The following GPC6 variants were observed in gnomAD, a reference collection of about 807,000 sequenced individuals.
The protein encoded by GPC6 is glypican 6.
Under a neutral mutation model 55.2 loss-of-function variants are expected in GPC6, and 14 were observed. The observed-to-expected ratio is 0.25, with a 90% CI of 0.17 to 0.40. The LOEUF (loss-of-function observed/expected upper bound fraction) is 0.40, where lower values mean the gene tolerates loss of function less well. Among genes scored for constraint, GPC6 ranks in the 10% least tolerant of loss-of-function variants. The pLI is 1.00. For missense variants in GPC6, 641 were observed against 708.5 expected (o/e 0.90, Z 1.08); for synonymous variants, 278 against 259.6 (o/e 1.07, Z -0.68).
intron 4 of GPC6, among the ~76,000 whole-genome samples, chr13:94,218,942 G>A (rs532471944): frequency 7.6e-4 from 115 of 152,210 alleles, no homozygotes; most frequent in Middle Eastern, 6.8e-3. Flanking sequence ...CTGGAGAAAC[G>A]CTATAGTATT....
intron 6 of GPC6, among the ~76,000 whole-genome samples, chr13:94,315,657 A>G (rs1306020230): frequency 6.6e-6 from 1 of 152,220 alleles, no homozygotes; most frequent in East Asian, 1.9e-4. Context: ...GACCACAAAC[A>G]CTATGATGAA....
chr13:94,031,110 ATGTG>A (rs148462602), intron 4 of GPC6, among the ~76,000 whole-genome samples: 4 of 147,914 alleles, frequency 2.7e-5, no homozygotes, highest in African/African-American at 7.6e-5. Flanking sequence ...GTGTGCGTGC[ATGTG>A]TGTGTGTGTG....
At position 93,499,091 on chromosome 13, in the gene GPC6, TCACACACA is replaced by T. The variant is rs61370011; in HGVS notation, c.161-46151_161-46144del. Among the ~76,000 whole-genome samples the T allele has an allele frequency of 8.2e-5, 11 of 133,738 alleles. No homozygotes were observed. The South Asian group carries it at 1.5e-3, about 18-fold the overall frequency. 87.7% of individuals were successfully genotyped at this position (133,738 alleles called of 152,430 possible). On this transcript the variant is annotated intron_variant, in intron 1 of 8. Coordinates refer to ENST00000377047, the MANE Select transcript of GPC6 (RefSeq NM_005708.5). The stretch of plus-strand genomic sequence containing the variant: ...ATAGTATATCCACAATCCTTAATTG[TCACACACA>T]CACACACACACACACACACAGAAAC...
chr13:94,195,640 A>G (rs575872167), intron 4 of GPC6, among the ~76,000 whole-genome samples: 84 of 152,362 alleles, frequency 5.5e-4, no homozygotes, highest in African/African-American at 2.0e-3. Context: ...GGATTAAATG[A>G]GATAATGCAA....
At chr13:93,375,700 T>A (rs1228026568) in intron 1 of GPC6, among the ~76,000 whole-genome samples, 3 of 152,118 alleles carry the variant, frequency 2.0e-5, no homozygotes, top group Non-Finnish European at 4.4e-5. Flanking sequence ...GACAGTGGAG[T>A]GGGCAGGGAC....
chr13:93,313,203 C>T (rs1879132868), intron 1 of GPC6, among the ~76,000 whole-genome samples: 1 of 152,060 alleles, frequency 6.6e-6, no homozygotes, highest in African/African-American at 2.4e-5. Context: ...GGCAGAGCCT[C>T]AGAATAAAAA....
At chr13:94,095,612 C>T (rs77763065) in intron 4 of GPC6, among the ~76,000 whole-genome samples, 46 of 152,210 alleles carry the variant, frequency 3.0e-4, no homozygotes, top group African/African-American at 9.9e-4. Flanking sequence ...TCAGTAGTCA[C>T]GTGTGGCTAC....
intron 3 of GPC6, among the ~76,000 whole-genome samples, chr13:94,005,549 A>G (rs1881983280): frequency 6.6e-6 from 1 of 152,350 alleles, no homozygotes; most frequent in African/African-American, 2.4e-5. Context: ...TATGAAGAAA[A>G]GACATATCAG....
chr13:94,156,523 ACCACAC>A (rs1887949685), intron 4 of GPC6, among the ~76,000 whole-genome samples: 2 of 152,126 alleles, frequency 1.3e-5, no homozygotes, highest in Non-Finnish European at 2.9e-5. Context: ...TGTCTACCCA[ACCACAC>A]CCACACCCCA....
At chr13:94,212,115 C>T (rs1457024858) in intron 4 of GPC6, among the ~76,000 whole-genome samples, 1 of 152,144 alleles carries the variant, frequency 6.6e-6, no homozygotes, top group Non-Finnish European at 1.5e-5. Flanking sequence ...TGGTAGGAAA[C>T]CTGTTTTCTT....
chr13:94,053,897 A>C (rs1237672177), intron 4 of GPC6, among the ~76,000 whole-genome samples: 1 of 152,152 alleles, frequency 6.6e-6, no homozygotes, highest in Non-Finnish European at 1.5e-5. Context: ...ATTTTAGTAC[A>C]TTTATTTTTA....
chr13:93,933,934 G>A (rs1215584641), intron 3 of GPC6, among the ~76,000 whole-genome samples: 3 of 152,168 alleles, frequency 2.0e-5, no homozygotes, highest in East Asian at 1.9e-4. Context: ...TTGGGCCTCA[G>A]AAAAGGGTTT....
the GPC6 span, among the ~76,000 whole-genome samples, chr13:93,220,376 A>C: frequency 5.3e-4 from 81 of 152,364 alleles, no homozygotes; most frequent in Non-Finnish European, 9.0e-4. Context: ...TGGTTTTAAT[A>C]ATCCAGGTAT....
At chr13:93,777,439 C>T (rs1885507517) in intron 2 of GPC6, among the ~76,000 whole-genome samples, 1 of 152,170 alleles carries the variant, frequency 6.6e-6, no homozygotes. Flanking sequence ...TGCTCTGACA[C>T]TACTACTTTT....
intron 1 of GPC6, among the ~76,000 whole-genome samples, chr13:93,506,846 C>T (rs957448918): frequency 1.2e-4 from 17 of 141,980 alleles, no homozygotes; most frequent in African/African-American, 4.2e-4. Context: ...CAAATCCATC[C>T]TGGCTAACAC....
intron 1 of GPC6, among the ~76,000 whole-genome samples, chr13:93,281,726 A>C (rs538291563): frequency 6.6e-6 from 1 of 152,302 alleles, no homozygotes; most frequent in East Asian, 1.9e-4. Context: ...CTGAGGCAGG[A>C]GAATTGCCAG....
chr13:94,361,124 A>G (rs753972544), intron 6 of GPC6, among the ~76,000 whole-genome samples: 9 of 152,194 alleles, frequency 5.9e-5, no homozygotes, highest in Non-Finnish European at 1.0e-4. Flanking sequence ...TTTTTTACAA[A>G]TTGGAGGCAA....
chr13:93,789,136 G>A (rs1387610293), intron 2 of GPC6, among the ~76,000 whole-genome samples: 4 of 150,850 alleles, frequency 2.7e-5, no homozygotes, highest in Non-Finnish European at 5.9e-5. Flanking sequence ...ATATGCAGGG[G>A]ATGACACTCA....
At chr13:94,006,021 C>T (rs1462455778) in intron 3 of GPC6, among the ~76,000 whole-genome samples, 1 of 152,112 alleles carries the variant, frequency 6.6e-6, no homozygotes, top group Non-Finnish European at 1.5e-5. Flanking sequence ...ATATTAACCA[C>T]CCACTTGTTT....
Sources: gnomAD v4.1 joint callset for allele counts (sites outside exome capture counted in the v4.1 genomes callset) on GRCh38, gnomAD v4.1.1 for gene constraint, MANE v1.5 for transcripts, NCBI Gene and HGNC (gene_info 2026-07-23, HGNC 2026-07-21) for gene names.